The following SOCS5 variants were observed in gnomAD, a reference collection of about 807,000 sequenced individuals.
The protein encoded by SOCS5 is suppressor of cytokine signaling 5.
A neutral mutation model predicts 42.8 loss-of-function variants in SOCS5; 32 were observed. That is an observed-to-expected ratio of 0.75 (90% confidence interval 0.56 to 1.01). The LOEUF is 1.01. SOCS5 is among the 50% of genes least tolerant of loss of function. The probability of loss-of-function intolerance (pLI) is 0.00; values close to 1 mark genes in which losing one functional copy is unlikely to be tolerated. For missense variants in SOCS5, 627 were observed against 653.0 expected (o/e 0.96, Z 0.43); for synonymous variants, 283 against 229.6 (o/e 1.23, Z -2.10).
intron 1 of SOCS5, among the ~76,000 whole-genome samples, chr2:46,745,778 A>G (rs2103747795): frequency 6.6e-6 from 1 of 152,214 alleles, no homozygotes; most frequent in African/African-American, 2.4e-5. Flanking sequence ...TTACCTTTTT[A>G]ACCATTTGAA....
At chr2:46,715,526 A>G (rs539249555) in intron 1 of SOCS5, among the ~76,000 whole-genome samples, 1 of 152,220 alleles carries the variant, frequency 6.6e-6, no homozygotes, top group African/African-American at 2.4e-5. Flanking sequence ...CCTGTAGTTC[A>G]ACATTCCTCT....
chr2:46,722,118 A>T (rs551576701), intron 1 of SOCS5, among the ~76,000 whole-genome samples: 1 of 152,148 alleles, frequency 6.6e-6, no homozygotes, highest in Admixed American at 6.5e-5. Context: ...ACATGGTGAT[A>T]TTAAATATTT....
chr2:46,741,343 G>T (rs1025758968), intron 1 of SOCS5, among the ~76,000 whole-genome samples: 1 of 152,088 alleles, frequency 6.6e-6, no homozygotes. Flanking sequence ...AGGTTCAAGT[G>T]ATTCTTTTAC....
At chr2:46,700,072 C>G (rs1672307558) in intron 1 of SOCS5, among the ~76,000 whole-genome samples, 1 of 152,092 alleles carries the variant, frequency 6.6e-6, no homozygotes, top group South Asian at 2.1e-4. Context: ...TACTTGGGCT[C>G]CTAAGAGTCT....
chr2:46,705,326 G>C (rs77010533), intron 1 of SOCS5, among the ~76,000 whole-genome samples: 1 of 152,146 alleles, frequency 6.6e-6, no homozygotes, highest in Admixed American at 6.5e-5. Context: ...TCCTCAACCT[G>C]TGCAATCTCA....
At chr2:46,719,284 A>G (rs1352865661) in intron 1 of SOCS5, among the ~76,000 whole-genome samples, 1 of 152,096 alleles carries the variant, frequency 6.6e-6, no homozygotes, top group African/African-American at 2.4e-5. Flanking sequence ...AGCTTTGTTG[A>G]GCTTTATAAC....
intron 1 of SOCS5, among the ~76,000 whole-genome samples, chr2:46,746,939 T>G (rs915267527): frequency 1.4e-5 from 2 of 143,730 alleles, no homozygotes; most frequent in Non-Finnish European, 3.0e-5. Flanking sequence ...TTTTTTTTTT[T>G]TTTTGCCTTA....
At chr2:46,749,054 C>T (rs1186034181) in intron 1 of SOCS5, among the ~76,000 whole-genome samples, 3 of 152,154 alleles carry the variant, frequency 2.0e-5, no homozygotes, top group East Asian at 3.8e-4. Context: ...TTGTGGGAAG[C>T]ATTGATGCCC....
intron 1 of SOCS5, among the ~76,000 whole-genome samples, chr2:46,755,959 A>C (rs79642564): frequency 3.9e-5 from 6 of 152,024 alleles, no homozygotes; most frequent in Non-Finnish European, 7.4e-5. Context: ...ATCTTTCTCC[A>C]TGGAGTAAGA....
intron 1 of SOCS5, among the ~76,000 whole-genome samples, chr2:46,727,536 G>A (rs1259360882): frequency 6.6e-6 from 1 of 152,152 alleles, no homozygotes; most frequent in East Asian, 1.9e-4. Flanking sequence ...CAACCTTCAA[G>A]TTGCAGCCAG....
At chr2:46,701,538 C>T (rs1314185781) in intron 1 of SOCS5, among the ~76,000 whole-genome samples, 1 of 152,132 alleles carries the variant, frequency 6.6e-6, no homozygotes, top group Non-Finnish European at 1.5e-5. Flanking sequence ...TTATCACTTT[C>T]ACACTGTTTA....
rs1251093646 is a variant in SOCS5, at chr2:46,699,375, G to C, written c.-87G>C. On this transcript the variant is annotated 5_prime_UTR_variant, in exon 1 of 2. Transcript: ENST00000394861. This position sits in a 1 kb window ranked among gnomAD's most constrained non-coding sequence, Gnocchi z 4.8. ...GGAGGGCAGGCGGACTCGCCCTGTC[G>C]GTGACTGCGCCGTCCGGGCCCGTCC... 1 of 152,042 alleles carries C rather than the reference G, an allele frequency of 6.6e-6. No individual in the cohort carries two copies. The highest frequency in any genetic ancestry group is 1.5e-5 in the Non-Finnish European group (1 of 67,956). 9.4% of individuals were successfully genotyped at this position (152,042 alleles called of 1,614,324 possible). A position where few individuals can be genotyped will look rare whatever the true frequency, so the allele number is the denominator to read the frequency against.
intron 1 of SOCS5, among the ~76,000 whole-genome samples, chr2:46,749,478 C>G (rs1673578007): frequency 6.6e-6 from 1 of 152,130 alleles, no homozygotes; most frequent in African/African-American, 2.4e-5. Context: ...CCACAGTCTG[C>G]CAATAATGCT....
intron 1 of SOCS5, among the ~76,000 whole-genome samples, chr2:46,727,657 G>C (rs556360974): frequency 2.0e-5 from 3 of 152,118 alleles, no homozygotes; most frequent in Non-Finnish European, 4.4e-5. Context: ...CAGTCAGTTC[G>C]AGATAGGTGG....
chr2:46,754,988 T>G (rs149434552), intron 1 of SOCS5, among the ~76,000 whole-genome samples: 1 of 152,302 alleles, frequency 6.6e-6, no homozygotes, highest in African/African-American at 2.4e-5. Flanking sequence ...CTGCCTCTTG[T>G]GCCTGAATTT....
chr2:46,716,278 C>T (rs1356764993), intron 1 of SOCS5, among the ~76,000 whole-genome samples: 1 of 151,276 alleles, frequency 6.6e-6, no homozygotes, highest in Non-Finnish European at 1.5e-5. Context: ...TTACTTACCC[C>T]AGCCATTTCT....
intron 1 of SOCS5, among the ~76,000 whole-genome samples, chr2:46,718,191 A>AAGAGGAAT (rs1164943992): frequency 2.0e-5 from 3 of 152,188 alleles, no homozygotes; most frequent in Non-Finnish European, 4.4e-5. Context: ...CAGGAATCAC[A>AAGAGGAAT]ATCCTGTGCT....
chr2:46,738,414 G>C (rs1473105021), intron 1 of SOCS5, among the ~76,000 whole-genome samples: 1 of 152,208 alleles, frequency 6.6e-6, no homozygotes, highest in African/African-American at 2.4e-5. Flanking sequence ...GTGGTATTAA[G>C]TGGAGGAAGA....
chr2:46,749,931 A>C (rs1673588222), intron 1 of SOCS5, among the ~76,000 whole-genome samples: 1 of 152,206 alleles, frequency 6.6e-6, no homozygotes, highest in Non-Finnish European at 1.5e-5. Flanking sequence ...GAAAAGCTAA[A>C]GATGCTAGAT....
Sources: allele counts gnomAD v4.1 joint callset (sites outside exome capture counted in the v4.1 genomes callset), GRCh38; gene constraint gnomAD v4.1.1; non-coding constraint Gnocchi (gnomAD v3.1); transcripts MANE v1.5; gene names NCBI Gene and HGNC (gene_info 2026-07-23, HGNC 2026-07-21).